Variants in RNF180 observed in about 807,000 individuals in gnomAD.
RNF180 encodes ring finger protein 180.
A neutral mutation model predicts 59.2 loss-of-function variants in RNF180; 38 were observed. The ratio of observed to expected loss-of-function variants is 0.64; its 90% CI spans 0.50 to 0.84. RNF180 has a LOEUF of 0.84. Ranked by LOEUF, RNF180 falls within the 40% of genes least tolerant of loss-of-function variation. The pLI, the probability that RNF180 is intolerant of heterozygous loss-of-function variation, is 0.00. For missense variants in RNF180, 705 were observed against 700.9 expected (o/e 1.01, Z -0.07); for synonymous variants, 262 against 240.3 (o/e 1.09, Z -0.84).
At chr5:64,290,927 T>C (rs1742549383) in intron 5 of RNF180, among the ~76,000 whole-genome samples, 1 of 152,166 alleles carries the variant, frequency 6.6e-6, no homozygotes, top group South Asian at 2.1e-4. Context: ...TGCTTCATAG[T>C]GTCACTAGTT....
At chr5:64,255,072 G>A (rs968744433) in intron 5 of RNF180, among the ~76,000 whole-genome samples, 2 of 152,052 alleles carry the variant, frequency 1.3e-5, no homozygotes, top group Non-Finnish European at 2.9e-5. Flanking sequence ...TTTTAAGATA[G>A]TAGCCATGAG....
chr5:64,166,662 G>GT (rs1392602958), intron 1 of RNF180, among the ~76,000 whole-genome samples: 1 of 152,112 alleles, frequency 6.6e-6, no homozygotes, highest in African/African-American at 2.4e-5. Flanking sequence ...AGTTGTAAGT[G>GT]TATCTGTGAG....
At chr5:64,274,912 C>A (rs895079052) in intron 5 of RNF180, among the ~76,000 whole-genome samples, 2 of 151,958 alleles carry the variant, frequency 1.3e-5, no homozygotes, top group Non-Finnish European at 2.9e-5. Context: ...CAGCATGGTC[C>A]TCCATATTGA....
At chr5:64,178,276 C>T (rs572871544) in intron 1 of RNF180, among the ~76,000 whole-genome samples, 2 of 151,982 alleles carry the variant, frequency 1.3e-5, no homozygotes, top group African/African-American at 2.4e-5. Context: ...CAGGGGAGCA[C>T]CAGAGGGAAT....
intron 5 of RNF180, among the ~76,000 whole-genome samples, chr5:64,237,022 A>G (rs1355364492): frequency 6.6e-6 from 1 of 152,216 alleles, no homozygotes; most frequent in African/African-American, 2.4e-5. Context: ...GAGGGGAAAT[A>G]TGGGGTTGGA....
chr5:64,243,828 C>T (rs1742978430), intron 5 of RNF180, among the ~76,000 whole-genome samples: 1 of 152,176 alleles, frequency 6.6e-6, no homozygotes, highest in Non-Finnish European at 1.5e-5. Context: ...ACAGACACCT[C>T]ATACAGGACA....
At chr5:64,232,217 A>G (rs1213281014) in intron 5 of RNF180, among the ~76,000 whole-genome samples, 1 of 152,170 alleles carries the variant, frequency 6.6e-6, no homozygotes, top group South Asian at 2.1e-4. Context: ...TAGGGAAGAG[A>G]TGGATATTTT....
intron 1 of RNF180, among the ~76,000 whole-genome samples, chr5:64,169,494 A>G (rs909367092): frequency 1.3e-5 from 2 of 152,222 alleles, no homozygotes; most frequent in East Asian, 3.8e-4. Flanking sequence ...AATGCAGCAC[A>G]CTAGGGAGAC....
At chr5:64,219,513 G>T (rs1034482013) in intron 5 of RNF180, among the ~76,000 whole-genome samples, 4 of 151,806 alleles carry the variant, frequency 2.6e-5, no homozygotes, top group African/African-American at 7.3e-5. Context: ...AAATAATGAG[G>T]ATAACATTTT....
intron 7 of RNF180, among the ~76,000 whole-genome samples, chr5:64,356,593 C>G (rs1461419095): frequency 6.6e-6 from 1 of 151,684 alleles, no homozygotes; most frequent in Non-Finnish European, 1.5e-5. Context: ...AAGGTAGAAA[C>G]AACCTAAATT....
At chr5:64,349,181 G>C (rs186372271) in intron 7 of RNF180, among the ~76,000 whole-genome samples, 3 of 152,064 alleles carry the variant, frequency 2.0e-5, no homozygotes, top group Non-Finnish European at 4.4e-5. Flanking sequence ...CATCAAAAAA[G>C]TCCCCTTATA....
At chr5:64,340,350 T>A (rs1241618701) in intron 7 of RNF180, among the ~76,000 whole-genome samples, 1 of 152,188 alleles carries the variant, frequency 6.6e-6, no homozygotes, top group African/African-American at 2.4e-5. Flanking sequence ...TGATATATAT[T>A]TATGACAATC....
intron 5 of RNF180, among the ~76,000 whole-genome samples, chr5:64,316,756 G>A (rs1580237071): frequency 6.6e-6 from 1 of 152,242 alleles, no homozygotes; most frequent in East Asian, 1.9e-4. Flanking sequence ...TTGTGTTGAT[G>A]GAGAAGGCAA....
At chr5:64,176,886 A>G (rs1034553523) in intron 1 of RNF180, among the ~76,000 whole-genome samples, 2 of 152,198 alleles carry the variant, frequency 1.3e-5, no homozygotes, top group Non-Finnish European at 2.9e-5. Flanking sequence ...CTAGAGGCCA[A>G]AATTGAAGTA....
intron 5 of RNF180, among the ~76,000 whole-genome samples, chr5:64,307,710 A>G (rs916632923): frequency 1.3e-5 from 2 of 151,778 alleles, no homozygotes; most frequent in African/African-American, 4.8e-5. Flanking sequence ...TTCATTAGCA[A>G]AATCATCTAA....
chr5:64,248,919 C>A (rs150147974), intron 5 of RNF180, among the ~76,000 whole-genome samples: 16 of 152,220 alleles, frequency 1.1e-4, no homozygotes, highest in Non-Finnish European at 2.1e-4. Flanking sequence ...GAATACAATG[C>A]AGTCATAAAA....
At chr5:64,335,701 C>T (rs979219256) in intron 7 of RNF180, among the ~76,000 whole-genome samples, 14 of 151,986 alleles carry the variant, frequency 9.2e-5, no homozygotes, top group African/African-American at 2.9e-4. Flanking sequence ...TTTTGATATC[C>T]CCCCTTCCAA....
chr5:64,169,858 C>A lies in RNF180; in HGVS notation c.-1+3905C>A, dbSNP rs560088046. Among the ~76,000 whole-genome samples the A allele has an allele frequency of 3.3e-5, 5 of 152,180 alleles. 1 individual carries two copies. The South Asian group carries it at 1.0e-3, about 32-fold the overall frequency. Reference sequence around the variant, plus strand: ...AGAATCTTCTATAGAGGCTATTTCGCGGGATAAATTCTAATCATTACTTCA... The same window carrying A: ...AGAATCTTCTATAGAGGCTATTTCGAGGGATAAATTCTAATCATTACTTCA... On this transcript the variant is annotated intron_variant, in intron 1 of 7. Transcript: ENST00000389100.
At chr5:64,221,016 C>A (rs1741296661) in intron 5 of RNF180, among the ~76,000 whole-genome samples, 1 of 152,000 alleles carries the variant, frequency 6.6e-6, no homozygotes, top group Non-Finnish European at 1.5e-5. Flanking sequence ...GACATATCTT[C>A]TACAAAGGCA....
Sources: gnomAD v4.1 joint callset for allele counts (sites outside exome capture counted in the v4.1 genomes callset) on GRCh38, gnomAD v4.1.1 for gene constraint, MANE v1.5 for transcripts, NCBI Gene and HGNC (gene_info 2026-07-23, HGNC 2026-07-21) for gene names.